GNA15: variants seen among roughly 807,000 people sequenced by gnomAD.
The protein encoded by GNA15 is G protein subunit alpha 15, also known as guanine nucleotide-binding protein subunit alpha-15.
In GNA15, 23 loss-of-function variants were observed where a neutral mutation model predicts 40.1. That is an observed-to-expected ratio of 0.57 (90% confidence interval 0.41 to 0.81). The LOEUF (loss-of-function observed/expected upper bound fraction) is 0.81, where lower values mean the gene tolerates loss of function less well. Ranked by LOEUF, GNA15 falls within the 40% of genes least tolerant of loss-of-function variation. The pLI is 0.00. For synonymous variants in GNA15, 226 were observed against 210.4 expected (o/e 1.07, Z -0.64); for missense variants, 522 against 515.8 (o/e 1.01, Z -0.12).
At chr19:3,150,575 T>A (rs780299843) in intron 3 of GNA15, among the ~76,000 whole-genome samples, 1 of 152,022 alleles carries the variant, frequency 6.6e-6, no homozygotes, top group African/African-American at 2.4e-5. Flanking sequence ...ACCCTATTCA[T>A]AGGGGGACTC....
intron 5 of GNA15, among the ~76,000 whole-genome samples, chr19:3,157,288 C>T (rs939653378): frequency 6.6e-6 from 1 of 152,168 alleles, no homozygotes; most frequent in African/African-American, 2.4e-5. Flanking sequence ...CGTGAGCTGC[C>T]GCGCCCGGCC....
Position 3,145,336 on chromosome 19 carries a change from A to AATATATATAT in GNA15, c.146-3240_146-3231dup, listed in dbSNP as rs1191752115. On this transcript the variant is annotated intron_variant, in intron 1 of 6. Coordinates refer to ENST00000262958, the MANE Select transcript of GNA15 (RefSeq NM_002068.4). ...CAGTGTGCACCACTACGTCTGACTA[A>AATATATATAT]ATATATATATATATATATATATATT... Among the ~76,000 whole-genome samples, 48 of 60,210 alleles carry AATATATATAT rather than the reference A, an allele frequency of 8.0e-4. 2 individuals are homozygous for AATATATATAT. The highest frequency in any genetic ancestry group is 2.4e-3 in the African/African-American group (30 of 12,572). 39.5% of individuals were successfully genotyped at this position (60,210 alleles called of 152,430 possible).
chr19:3,156,203 C>CACACA (rs1555707138), intron 5 of GNA15, among the ~76,000 whole-genome samples: 1 of 126,102 alleles, frequency 7.9e-6, no homozygotes, highest in Non-Finnish European at 1.8e-5. Flanking sequence ...CACACACACA[C>CACACA]TACAGTGCAC....
At position 3,150,250 on chromosome 19, in the gene GNA15, T is replaced by A. The variant is rs113262880; in HGVS notation, c.450T>A (p.Arg150=). The A allele has an allele frequency of 7.3e-5, 117 of 1,606,368 alleles. No homozygotes were observed. The African/African-American group carries it at 1.5e-3, about 21-fold the overall frequency. Residue 150 remains arginine, a synonymous_variant, in exon 3 of 7, where the codon CGT becomes CGA. Transcript: ENST00000262958. The part of the protein sequence containing the change: ...RDAGIRACYE[R]RREFHLLDSA... ...CCGGCATCCGGGCCTGCTATGAGCGTCGGCGGGAATTCCACCTGCTCGATT... is the reference window on the plus strand; with the variant it reads ...CCGGCATCCGGGCCTGCTATGAGCGACGGCGGGAATTCCACCTGCTCGATT...
chr19:3,161,253 C>T (rs923505927), intron 6 of GNA15, among the ~76,000 whole-genome samples: 6 of 152,196 alleles, frequency 3.9e-5, no homozygotes, highest in Non-Finnish European at 8.8e-5. Context: ...CATGCCTGGC[C>T]ATGACCTAAT....
chr19:3,157,672 G>T (rs1357168353), intron 5 of GNA15, 56 bp from the exon 6 acceptor site: 1 of 1,541,700 alleles, frequency 6.5e-7, no homozygotes, highest in Non-Finnish European at 8.9e-7. Flanking sequence ...CGATGGGAGG[G>T]TTTCCTGTCC....
At chr19:3,158,001 G>A (rs1429317430) in intron 6 of GNA15, 120 bp downstream of exon 6, 4 of 765,422 alleles carry the variant, frequency 5.2e-6, no homozygotes, top group Admixed American at 4.2e-5. Context: ...GATCAGACCC[G>A]CGTTCTAGAC....
chr19:3,145,359 A>ATATATATATT, intron 1 of GNA15, among the ~76,000 whole-genome samples: 69 of 46,960 alleles, frequency 1.5e-3, no homozygotes, highest in African/African-American at 5.1e-3. Flanking sequence ...ATATATATAT[A>ATATATATATT]TTTTTTTTTT....
At chr19:3,150,095 A>G in intron 2 of GNA15, 36 bp from the exon 3 acceptor site, 1 of 1,596,350 alleles carries the variant, frequency 6.3e-7, no homozygotes, top group South Asian at 1.1e-5. Flanking sequence ...CCCACTCAGA[A>G]AGGCTACCCT....
chr19:3,138,866 C>T (rs577015200), intron 1 of GNA15, among the ~76,000 whole-genome samples: 12 of 151,054 alleles, frequency 7.9e-5, no homozygotes, highest in Admixed American at 2.0e-4. Context: ...TCTCGAACTC[C>T]TGACCTGGTG....
At position 3,150,221 on chromosome 19, in the gene GNA15, G is replaced by T. The variant is rs779344852; in HGVS notation, c.421G>T (p.Asp141Tyr). The T allele has an allele frequency of 6.2e-7, 1 of 1,611,452 alleles. No individual in the cohort carries two copies. Among genetic ancestry groups the T allele is most frequent in the South Asian group, 1.1e-5 (1 of 90,936 alleles). ...YAAAMQWLWR[D>Y]AGIRACYERR... Reference sequence around the variant, plus strand: ...TGCGGCCATGCAGTGGCTGTGGAGGGATGCCGGCATCCGGGCCTGCTATGA... The same window carrying T: ...TGCGGCCATGCAGTGGCTGTGGAGGTATGCCGGCATCCGGGCCTGCTATGA... Residue 141 changes from aspartate (D) to tyrosine (Y), a missense_variant, in exon 3 of 7, where the codon GAT becomes TAT. By Grantham distance (160) the Asp-to-Tyr change is radical. Coordinates refer to ENST00000262958, the MANE Select transcript of GNA15 (RefSeq NM_002068.4).
At chr19:3,140,885 C>T (rs988228950) in intron 1 of GNA15, among the ~76,000 whole-genome samples, 4 of 152,200 alleles carry the variant, frequency 2.6e-5, no homozygotes, top group Admixed American at 1.3e-4. Context: ...CAGGAAGCCC[C>T]TTCTACTGAT....
At chr19:3,153,503 T>C (rs1687047187) in intron 4 of GNA15, among the ~76,000 whole-genome samples, 1 of 149,200 alleles carries the variant, frequency 6.7e-6, no homozygotes, top group Non-Finnish European at 1.5e-5. Context: ...GATGGGTGGA[T>C]GGGTGATACA....
At chr19:3,149,921 G>C in intron 2 of GNA15, 1 of 520,000 alleles carries the variant, frequency 1.9e-6, no homozygotes, top group Non-Finnish European at 3.4e-6. Context: ...CCCTCATGTG[G>C]TGGTCTGTGC....
In GNA15 at chr19:3,151,914, G is replaced by A. The variant is rs1914891895; in HGVS notation, c.614+79G>A. ...AGGGCAAAGGAGCTGGGGCCCTGAGGGATGAGTAGGAGTTTCTTAGGCCCA... is the reference window on the plus strand; with the variant it reads ...AGGGCAAAGGAGCTGGGGCCCTGAGAGATGAGTAGGAGTTTCTTAGGCCCA... On this transcript the variant is annotated intron_variant, in intron 4 of 6. Transcript: ENST00000262958. This position sits in a 1 kb window ranked among gnomAD's most constrained non-coding sequence, Gnocchi z 5.0. 1.9e-6 allele frequency: 2 copies of A among 1,066,624 alleles called. No individual in the cohort carries two copies. The highest frequency in any genetic ancestry group is 2.7e-5 in the Admixed American group (1 of 37,660). The allele number at this position is 1,066,624 out of a possible 1,614,324, so 66.1% of individuals were successfully genotyped here. A position where few individuals can be genotyped will look rare whatever the true frequency, so the allele number is the denominator to read the frequency against.
At chr19:3,148,870 GGGC>G (rs1914801892) in intron 2 of GNA15, 95 bp downstream of exon 2, 13 of 885,700 alleles carry the variant, frequency 1.5e-5, no homozygotes, top group Admixed American at 3.1e-5. Flanking sequence ...CCAGACTTCA[GGGC>G]AGGGCAGGGC....
rs1173211650 is a variant in GNA15 at position 3,163,472 on chromosome 19, G to C, written c.*453G>C. On this transcript the variant is annotated 3_prime_UTR_variant, in exon 7 of 7. Coordinates refer to ENST00000262958, the MANE Select transcript of GNA15 (RefSeq NM_002068.4). ...GGACTCTGGCGCACTCTAGTGGACA[G>C]GAGAAGGAACGCCTTCCAGGAACCT... is the stretch of plus-strand genomic sequence containing the variant. The C allele has an allele frequency of 5.6e-6, 1 of 177,348 alleles. No homozygotes were observed. The highest frequency in any genetic ancestry group is 1.2e-5 in the Non-Finnish European group (1 of 82,958). The allele number at this position is 177,348 out of a possible 1,614,324, so 11.0% of individuals were successfully genotyped here.
At chr19:3,160,551 C>T (rs1488490390) in intron 6 of GNA15, among the ~76,000 whole-genome samples, 1 of 152,180 alleles carries the variant, frequency 6.6e-6, no homozygotes, top group African/African-American at 2.4e-5. Context: ...GAAAGAGACT[C>T]CATCTCTTGA....
Position 3,151,684 on chromosome 19 carries a change from C to A in GNA15, c.486-23C>A. ...AAGGGAGGCTGGCTGCAAGGCTGGG[C>A]CTCAGGACTCCTTGCTCTGCAGCTA... On this transcript the variant is annotated intron_variant, in intron 3 of 6. Transcript: ENST00000262958. This position sits in a 1 kb window ranked among gnomAD's most constrained non-coding sequence, Gnocchi z 5.0. The A allele has an allele frequency of 6.4e-7, 1 of 1,565,882 alleles. No individual in the cohort carries two copies.
Sources: allele counts gnomAD v4.1 joint callset (sites outside exome capture counted in the v4.1 genomes callset), GRCh38; gene constraint gnomAD v4.1.1; non-coding constraint Gnocchi (gnomAD v3.1); transcripts MANE v1.5; gene names NCBI Gene and HGNC (gene_info 2026-07-23, HGNC 2026-07-21).